Variants in DTNBP1 observed in about 807,000 individuals in gnomAD.
DTNBP1 encodes dysbindin.
Under a neutral mutation model 42.8 loss-of-function variants are expected in DTNBP1, and 35 were observed. The observed-to-expected ratio is 0.82, with a 90% CI of 0.63 to 1.09. The LOEUF (loss-of-function observed/expected upper bound fraction) is 1.09. Among genes scored for constraint, DTNBP1 ranks in the 50% least tolerant of loss-of-function variants. The pLI, the probability that DTNBP1 is intolerant of heterozygous loss-of-function variation, is 0.00. For synonymous variants in DTNBP1, 171 were observed against 162.2 expected (o/e 1.05, Z -0.41); for missense variants, 457 against 424.2 (o/e 1.08, Z -0.68).
chr6:15,574,444 G>A (rs888444404), intron 7 of DTNBP1, among the ~76,000 whole-genome samples: 11 of 152,210 alleles, frequency 7.2e-5, no homozygotes, highest in Admixed American at 6.5e-5. Context: ...AGGGAAGGAC[G>A]CACTATCACA....
intron 8 of DTNBP1, among the ~76,000 whole-genome samples, chr6:15,529,648 C>T (rs904238745): frequency 2.6e-5 from 4 of 152,248 alleles, no homozygotes; most frequent in Non-Finnish European, 5.9e-5. Context: ...TTCAGAAACA[C>T]AAGAGCCTGA....
At chr6:15,619,370 AT>A (rs1237476694) in intron 5 of DTNBP1, among the ~76,000 whole-genome samples, 1 of 152,208 alleles carries the variant, frequency 6.6e-6, no homozygotes, top group Non-Finnish European at 1.5e-5. Context: ...AAAGCAAAAA[AT>A]ATACGTAAAT....
In DTNBP1 at chr6:15,523,155, T is replaced by C; in HGVS notation, c.876A>G (p.Arg292=). The C allele has an allele frequency of 6.2e-7, 1 of 1,614,236 alleles. No homozygotes were observed. The highest frequency in any genetic ancestry group is 2.2e-5 in the East Asian group (1 of 44,882). ...TGGAGGAAGAAGAAGGTGGCTTGGCTCTTAATTCTGAGGGATTTGGAACCT... is the reference window on the plus strand; with the variant it reads ...TGGAGGAAGAAGAAGGTGGCTTGGCCCTTAATTCTGAGGGATTTGGAACCT... ...TLQVPNPSEL[R]AKPPSSSSTC... Residue 292 remains arginine (R), a synonymous_variant, in exon 10 of 10, where the codon AGA becomes AGG. Coordinates refer to ENST00000344537, the MANE Select transcript of DTNBP1 (RefSeq NM_032122.5).
At chr6:15,524,369 C>G (rs1772194361) in intron 9 of DTNBP1, 157 bp downstream of exon 9, 1 of 1,613,628 alleles carries the variant, frequency 6.2e-7, no homozygotes, top group South Asian at 1.1e-5. Flanking sequence ...AGCTGCCACA[C>G]AGCCGTGTGG....
At chr6:15,606,708 T>TA (rs905248033) in intron 6 of DTNBP1, among the ~76,000 whole-genome samples, 7 of 152,162 alleles carry the variant, frequency 4.6e-5, no homozygotes, top group Admixed American at 2.0e-4. Context: ...CAAACATTGT[T>TA]AAAAAAATGC....
chr6:15,524,797 C>G, intron 8 of DTNBP1, 128 bp from the exon 9 acceptor site: 1 of 1,406,992 alleles, frequency 7.1e-7, no homozygotes, highest in Non-Finnish European at 9.7e-7. Flanking sequence ...TTTGAAGCAA[C>G]GTATTAGTAG....
At chr6:15,639,216 A>G (rs1477682974) in intron 3 of DTNBP1, among the ~76,000 whole-genome samples, 1 of 152,200 alleles carries the variant, frequency 6.6e-6, no homozygotes, top group Non-Finnish European at 1.5e-5. Flanking sequence ...TGGTTTGATC[A>G]TTGTACTGTG....
intron 1 of DTNBP1, among the ~76,000 whole-genome samples, chr6:15,660,117 T>C (rs775708764): frequency 3.3e-5 from 5 of 152,250 alleles, no homozygotes; most frequent in African/African-American, 9.6e-5. Context: ...GACTGCATAA[T>C]TGATAATATC....
chr6:15,541,225 C>T lies in DTNBP1; in HGVS notation c.512-7830G>A, dbSNP rs187611689. 2.3e-4 allele frequency among the ~76,000 whole-genome samples: 35 copies of T among 152,234 alleles called. No individual in the cohort carries two copies. The East Asian group carries it at 5.8e-3, about 25-fold the overall frequency. Reference sequence around the variant, plus strand: ...GCTAAGAGACATTTGCCCTCAGCGACGTGACTGAATGAGGATGTTCTAATT... The same window carrying T: ...GCTAAGAGACATTTGCCCTCAGCGATGTGACTGAATGAGGATGTTCTAATT... On this transcript the variant is annotated intron_variant, in intron 7 of 9. Coordinates refer to ENST00000344537, the MANE Select transcript of DTNBP1 (RefSeq NM_032122.5).
intron 7 of DTNBP1, among the ~76,000 whole-genome samples, chr6:15,582,301 G>T (rs6903159): frequency 2.0e-5 from 3 of 151,972 alleles, no homozygotes; most frequent in African/African-American, 4.8e-5. Context: ...AGACGTTCCT[G>T]GGTTTAAATC....
At chr6:15,549,434 G>A (rs1343138169) in intron 7 of DTNBP1, among the ~76,000 whole-genome samples, 2 of 145,432 alleles carry the variant, frequency 1.4e-5, no homozygotes, top group African/African-American at 5.2e-5. Flanking sequence ...GCAGTGAGCC[G>A]AGACCGCGCC....
intron 8 of DTNBP1, among the ~76,000 whole-genome samples, chr6:15,532,697 CTTTTTTTTTT>C (rs373480713): frequency 1.1e-5 from 1 of 93,100 alleles, no homozygotes; most frequent in Non-Finnish European, 1.9e-5. Flanking sequence ...TGTTTGTAAT[CTTTTTTTTTT>C]TTTTTTTTTT....
intron 7 of DTNBP1, among the ~76,000 whole-genome samples, chr6:15,579,531 T>C (rs113915553): frequency 0.024 from 3,638 of 152,274 alleles, 150 homozygotes; most frequent in African/African-American, 0.082. Flanking sequence ...TTTGGCCAGG[T>C]ACGGTGGCTG....
chr6:15,558,085 T>A (rs1382489125), intron 7 of DTNBP1, among the ~76,000 whole-genome samples: 1 of 151,654 alleles, frequency 6.6e-6, no homozygotes, highest in Admixed American at 6.6e-5. Context: ...AATTTTGATA[T>A]GACTTAGTGT....
intron 6 of DTNBP1, among the ~76,000 whole-genome samples, chr6:15,614,769 A>T (rs1220305469): frequency 6.6e-6 from 1 of 152,252 alleles, no homozygotes; most frequent in Non-Finnish European, 1.5e-5. Flanking sequence ...ATAGGGGTAC[A>T]TCATTATCCC....
intron 4 of DTNBP1, among the ~76,000 whole-genome samples, chr6:15,631,842 A>AT (rs1227485264): frequency 3.9e-5 from 6 of 151,996 alleles, no homozygotes; most frequent in Admixed American, 1.3e-4. Flanking sequence ...ATGCCAACTC[A>AT]TTTTTTCTAA....
intron 1 of DTNBP1, among the ~76,000 whole-genome samples, chr6:15,662,217 C>G (rs1216984187): frequency 6.6e-6 from 1 of 152,260 alleles, no homozygotes; most frequent in Admixed American, 6.5e-5. Context: ...GTTCCTTCGC[C>G]GAGGCGCTGA....
At chr6:15,538,659 G>A (rs1038925666) in intron 7 of DTNBP1, among the ~76,000 whole-genome samples, 2 of 152,158 alleles carry the variant, frequency 1.3e-5, no homozygotes, top group African/African-American at 4.8e-5. Context: ...ACCAAATCTG[G>A]TTGACTGTAA....
At chr6:15,659,247 T>C (rs1199037211) in intron 1 of DTNBP1, among the ~76,000 whole-genome samples, 4 of 152,340 alleles carry the variant, frequency 2.6e-5, no homozygotes, top group Non-Finnish European at 4.4e-5. Flanking sequence ...AGGGCCTTCA[T>C]ATGAGTTTTC....
Sources: allele counts gnomAD v4.1 joint callset (sites outside exome capture counted in the v4.1 genomes callset), GRCh38; gene constraint gnomAD v4.1.1; transcripts MANE v1.5; gene names NCBI Gene and HGNC (gene_info 2026-07-23, HGNC 2026-07-21).